The following UBE2H variants were observed in gnomAD, a reference collection of about 807,000 sequenced individuals.
The protein encoded by UBE2H is ubiquitin conjugating enzyme E2 H.
In UBE2H, 3 loss-of-function variants were observed where a neutral mutation model predicts 29.0. That is an observed-to-expected ratio of 0.10 (90% CI 0.05 to 0.27). The LOEUF is 0.27. Ranked by LOEUF, UBE2H falls within the 10% of genes least tolerant of loss-of-function variation. The pLI is 1.00. For synonymous variants in UBE2H, 69 were observed against 82.9 expected, an observed-to-expected ratio of 0.83 and a Z score of 0.91; for missense variants, 68 against 228.2, an observed-to-expected ratio of 0.30 and a Z score of 4.52.
At chr7:129,888,558 T>C (rs1263744038) in intron 1 of UBE2H, among the ~76,000 whole-genome samples, 1 of 152,058 alleles carries the variant, frequency 6.6e-6, no homozygotes, top group Non-Finnish European at 1.5e-5. Context: ...CACTGCAATC[T>C]CCGCCTCCCA....
At chr7:129,948,863 T>G (rs1402840172) in intron 1 of UBE2H, 3 of 311,184 alleles carry the variant, frequency 9.6e-6, no homozygotes, top group Middle Eastern at 3.9e-4. Flanking sequence ...CTTCTCTTTT[T>G]ACCCCTCGAA....
At chr7:129,941,902 GC>G (rs1233901456) in intron 1 of UBE2H, among the ~76,000 whole-genome samples, 1 of 151,862 alleles carries the variant, frequency 6.6e-6, no homozygotes, top group African/African-American at 2.4e-5. Flanking sequence ...AAAATTTTAA[GC>G]ACCATTTCAC....
intron 1 of UBE2H, among the ~76,000 whole-genome samples, chr7:129,948,091 C>G (rs1807800969): frequency 6.6e-6 from 1 of 152,000 alleles, no homozygotes; most frequent in Non-Finnish European, 1.5e-5. Context: ...AACTCCTGAC[C>G]TCAGGTGATC....
At chr7:129,922,435 G>A (rs972187626) in intron 1 of UBE2H, among the ~76,000 whole-genome samples, 3 of 151,796 alleles carry the variant, frequency 2.0e-5, no homozygotes, top group Non-Finnish European at 1.5e-5. Context: ...ACAGGCAGAC[G>A]CCATCACGCC....
intron 5 of UBE2H, among the ~76,000 whole-genome samples, chr7:129,851,109 CT>C (rs1805601588): frequency 6.6e-6 from 1 of 152,146 alleles, no homozygotes; most frequent in African/African-American, 2.4e-5. Flanking sequence ...ATTGTAGCCC[CT>C]TTCCCCCCAA....
chr7:129,843,819 G>A (rs547428185), intron 5 of UBE2H, among the ~76,000 whole-genome samples: 1 of 152,272 alleles, frequency 6.6e-6, no homozygotes, highest in African/African-American at 2.4e-5. Context: ...ATTATTACAG[G>A]TGCTGCTCAA....
At chr7:129,934,931 G>GTA (rs10545721) in intron 1 of UBE2H, among the ~76,000 whole-genome samples, 7 of 145,672 alleles carry the variant, frequency 4.8e-5, no homozygotes, top group African/African-American at 1.0e-4. Flanking sequence ...ATATATATGT[G>GTA]TATATATATA....
chr7:129,930,585 A>T (rs1287016300), intron 1 of UBE2H, among the ~76,000 whole-genome samples: 1 of 152,080 alleles, frequency 6.6e-6, no homozygotes, highest in Non-Finnish European at 1.5e-5. Context: ...CCTGGCCAAC[A>T]TGGTGAAAAC....
At chr7:129,935,657 T>C (rs577384913) in intron 1 of UBE2H, among the ~76,000 whole-genome samples, 15 of 152,300 alleles carry the variant, frequency 9.8e-5, no homozygotes, top group African/African-American at 2.9e-4. Context: ...TATTAAAATC[T>C]ACTAAGTCAT....
intron 1 of UBE2H, among the ~76,000 whole-genome samples, chr7:129,884,150 G>A (rs1419167643): frequency 6.6e-6 from 1 of 151,904 alleles, no homozygotes; most frequent in Non-Finnish European, 1.5e-5. Context: ...AGGCGCGGTG[G>A]CTCACACCTG....
At chr7:129,855,981 T>G (rs532299500) in intron 5 of UBE2H, among the ~76,000 whole-genome samples, 20 of 151,920 alleles carry the variant, frequency 1.3e-4, no homozygotes, top group Admixed American at 1.0e-3. Context: ...TCAGATGGAG[T>G]AGCTGGGAAA....
At position 129,882,459 on chromosome 7, in the gene UBE2H, G is replaced by A. The variant is rs75222005; in HGVS notation, c.54-1488C>T. Among the ~76,000 whole-genome samples, 405 of 152,282 alleles carry A rather than the reference G, an allele frequency of 2.7e-3. 4 individuals carry two copies. Among genetic ancestry groups the A allele is most frequent in the African/African-American group, 9.2e-3 (381 of 41,562 alleles). On this transcript the variant is annotated intron_variant, in intron 1 of 6. Transcript: ENST00000355621. The stretch of plus-strand genomic sequence containing the variant: ...ATTAAATATTTGGCACTCCAAGCCC[G>A]TGTCCAATGAGACACAGAACTGACT...
intron 1 of UBE2H, among the ~76,000 whole-genome samples, chr7:129,946,636 C>A (rs1374188505): frequency 1.3e-5 from 2 of 152,122 alleles, no homozygotes; most frequent in East Asian, 3.9e-4. Context: ...AACAAACTCT[C>A]CAGGTGATTA....
At chr7:129,927,885 G>C (rs1305182595) in intron 1 of UBE2H, among the ~76,000 whole-genome samples, 1 of 151,980 alleles carries the variant, frequency 6.6e-6, no homozygotes, top group East Asian at 1.9e-4. Context: ...GTGTGCATTC[G>C]AAGGTGACCA....
chr7:129,915,276 C>T (rs1302588011), intron 1 of UBE2H, among the ~76,000 whole-genome samples: 1 of 152,198 alleles, frequency 6.6e-6, no homozygotes, highest in Non-Finnish European at 1.5e-5. Flanking sequence ...GTGTCTCACA[C>T]CTGTAATCCC....
intron 3 of UBE2H, among the ~76,000 whole-genome samples, chr7:129,869,189 C>G (rs908041817): frequency 6.6e-6 from 1 of 152,106 alleles, no homozygotes; most frequent in Middle Eastern, 3.4e-3. Flanking sequence ...CCGCCTGCCT[C>G]GGCCTCCCAA....
chr7:129,895,906 C>T (rs749364791), intron 1 of UBE2H, among the ~76,000 whole-genome samples: 12 of 152,072 alleles, frequency 7.9e-5, no homozygotes, highest in Middle Eastern at 3.4e-3. Context: ...ATCCTACTTC[C>T]CCTTTTGGGC....
At chr7:129,945,372 ACT>A (rs1256106589) in intron 1 of UBE2H, among the ~76,000 whole-genome samples, 4 of 152,222 alleles carry the variant, frequency 2.6e-5, no homozygotes, top group African/African-American at 7.2e-5. Context: ...TGCAGTATGC[ACT>A]CTGAGAATAC....
At chr7:129,857,601 T>C (rs755595547) in intron 4 of UBE2H, 38 bp from the exon 5 acceptor site, 2 of 1,599,658 alleles carry the variant, frequency 1.3e-6, no homozygotes, top group Non-Finnish European at 1.7e-6. Flanking sequence ...TTTTAAAAAT[T>C]AGAAAGTTAG....
Sources: gnomAD v4.1 joint callset for allele counts (sites outside exome capture counted in the v4.1 genomes callset) on GRCh38, gnomAD v4.1.1 for gene constraint, MANE v1.5 for transcripts, NCBI Gene and HGNC (gene_info 2026-07-23, HGNC 2026-07-21) for gene names.